PIGQ: variants seen among roughly 807,000 people sequenced by gnomAD.
The protein encoded by PIGQ is phosphatidylinositol N-acetylglucosaminyltransferase subunit Q.
PIGQ carries 54 observed loss-of-function variants against 60.3 expected under a neutral mutation model. The ratio of observed to expected loss-of-function variants is 0.90; its 90% confidence interval spans 0.72 to 1.12. The LOEUF is 1.12. PIGQ is among the 50% of genes most tolerant of loss of function. The probability of loss-of-function intolerance (pLI) is 0.00; values close to 1 mark genes in which losing one functional copy is unlikely to be tolerated. For synonymous variants in PIGQ, 416 were observed against 363.7 expected, an observed-to-expected ratio of 1.14 and a Z score of -1.64; for missense variants, 799 against 793.5, an observed-to-expected ratio of 1.01 and a Z score of -0.08.
chr16:580,211 T>C lies in PIGQ; in HGVS notation c.1364T>C (p.Ile455Thr), dbSNP rs1440677488. Residue 455 changes from isoleucine (I) to threonine (T), a missense_variant, in exon 8 of 11, where the codon ATC becomes ACC. Coordinates refer to ENST00000321878, the MANE Select transcript of PIGQ (RefSeq NM_004204.5). Reference sequence around the variant, plus strand: ...TTCATCGGGACTCTGCTCTTCACCATCCTGCTCTTCCTCCTGCCTACCACA... The same window carrying C: ...TTCATCGGGACTCTGCTCTTCACCACCCTGCTCTTCCTCCTGCCTACCACA... ...QLFIGTLLFTILLFLLPTTAL... is the reference protein window; with the variant it reads ...QLFIGTLLFTTLLFLLPTTAL... The C allele has an allele frequency of 1.9e-6, 3 of 1,612,960 alleles. No individual in the cohort carries two copies. The South Asian group carries it at 3.3e-5, about 18-fold the overall frequency.
At chr16:578,329 G>A (rs758144646) in intron 4 of PIGQ, 50 bp from the exon 5 acceptor site, 2 of 1,576,114 alleles carry the variant, frequency 1.3e-6, no homozygotes, top group Non-Finnish European at 1.7e-6. Flanking sequence ...GGAGATGCAG[G>A]TGCTGAGCCT....
At chr16:582,176 A>C (rs1596387879) in intron 9 of PIGQ, 72 bp from the exon 10 acceptor site, 1 of 1,092,940 alleles carries the variant, frequency 9.1e-7, no homozygotes. Context: ...AGAGGAAGGT[A>C]CCTGCAGCCT....
intron 7 of PIGQ, chr16:579,414 T>G: frequency 1.8e-6 from 1 of 553,086 alleles, no homozygotes. Flanking sequence ...CCGAAGGTGG[T>G]GCAGGCACAG....
chr16:570,512 C>T (rs1452373971), intron 1 of PIGQ: 1 of 152,248 alleles, frequency 6.6e-6, no homozygotes, highest in Admixed American at 6.5e-5. Context: ...GTCGCCCAGG[C>T]TGGAGTGCAA....
chr16:578,644 A>G, intron 5 of PIGQ, 139 bp downstream of exon 5: 1 of 1,399,358 alleles, frequency 7.1e-7, no homozygotes, highest in Non-Finnish European at 9.9e-7. Flanking sequence ...TGCTCAGCTG[A>G]GGGCTGGGGC....
chr16:582,120 G>C, intron 9 of PIGQ, 128 bp from the exon 10 acceptor site: 1 of 738,094 alleles, frequency 1.4e-6, no homozygotes, highest in Non-Finnish European at 2.4e-6. Flanking sequence ...GGGGCGGGGA[G>C]AGCTTCGTGG....
rs548880956 is a variant in PIGQ at position 579,233 on chromosome 16, G to A, written c.1335+53G>A. 93 of 1,447,194 alleles carry A rather than the reference G, an allele frequency of 6.4e-5. No homozygotes were observed. The East Asian group carries it at 2.0e-3, about 31-fold the overall frequency. The allele number at this position is 1,447,194 out of a possible 1,614,324, so 89.6% of individuals were successfully genotyped here. ...GGCTGACTGCCTCCGGCCTGTGCCC[G>A]CTGGGCCAGCGCGGTGCTTGGGCAC... is the stretch of plus-strand genomic sequence containing the variant. On this transcript the variant is annotated intron_variant, in intron 7 of 10. Transcript: ENST00000321878.
chr16:577,258 A>G (rs2035731764), intron 4 of PIGQ: 1 of 152,236 alleles, frequency 6.6e-6, no homozygotes, highest in South Asian at 2.1e-4. Context: ...TCCTTTAAAT[A>G]TTAAATAAGC....
At chr16:577,446 GGGCA>G (rs1338008364) in intron 4 of PIGQ, among the ~76,000 whole-genome samples, 9 of 152,120 alleles carry the variant, frequency 5.9e-5, no homozygotes, top group Admixed American at 2.0e-4. Flanking sequence ...GTATGGTGGT[GGGCA>G]CCTGTAGTCC....
intron 4 of PIGQ, among the ~76,000 whole-genome samples, chr16:577,553 G>A (rs1387394465): frequency 6.6e-6 from 1 of 151,448 alleles, no homozygotes; most frequent in South Asian, 2.1e-4. Context: ...CTCCAGCCTG[G>A]GCGACAAAAC....
At chr16:580,804 C>A in intron 8 of PIGQ, 54 bp from the exon 9 acceptor site, 1 of 834,114 alleles carries the variant, frequency 1.2e-6, no homozygotes, top group Non-Finnish European at 2.1e-6. Flanking sequence ...GGTCGGACTG[C>A]TCTGCCCCCA....
rs1380691413 is a variant in PIGQ at position 583,470 on chromosome 16, G to T, written c.*435G>T. ...GGGGGTGGAGGGACCTTGCCAGGAT[G>T]AACCCCCCAGTCCCAGGCACCCTCT... On this transcript the variant is annotated 3_prime_UTR_variant, in exon 11 of 11. Coordinates refer to ENST00000321878, the MANE Select transcript of PIGQ (RefSeq NM_004204.5). 8 of 1,612,688 alleles carry T rather than the reference G, an allele frequency of 5.0e-6. No homozygotes were observed. The highest frequency in any genetic ancestry group is 5.9e-6 in the Non-Finnish European group (7 of 1,179,922).
chr16:581,473 T>C (rs2035808427), intron 9 of PIGQ: 1 of 534,988 alleles, frequency 1.9e-6, no homozygotes, highest in Non-Finnish European at 2.5e-6. Context: ...GGAGGCTTTT[T>C]TTTTTTTGAG....
chr16:582,783 C>G, intron 10 of PIGQ, 100 bp from the exon 11 acceptor site: 1 of 1,269,098 alleles, frequency 7.9e-7, no homozygotes, highest in Non-Finnish European at 1.1e-6. Context: ...ATGTCTGAGA[C>G]AGCACTGGCC....
rs1453399951 is a variant in PIGQ at position 575,782 on chromosome 16, G to T, written c.690-57G>T. 6 of 1,525,164 alleles carry T rather than the reference G, an allele frequency of 3.9e-6. No homozygotes were observed. In the Admixed American group the frequency reaches 9.8e-5, roughly 25 times the overall value. The allele number at this position is 1,525,164 out of a possible 1,614,324, so 94.5% of individuals were successfully genotyped here. ...TGTTTGTGGTCCCCTGCACAGTGGG[G>T]GACGGTGGGAGGAGGATCTGGAGAG... On this transcript the variant is annotated intron_variant, in intron 2 of 10. Transcript: ENST00000321878.
Position 579,169 on chromosome 16 carries a change from G to A in PIGQ, c.1324G>A (p.Asp442Asn). 1 of 1,612,204 alleles carries A rather than the reference G, an allele frequency of 6.2e-7. No homozygotes were observed. The highest frequency in any genetic ancestry group is 8.5e-7 in the Non-Finnish European group (1 of 1,179,156). ...LRQRVDSCSYDLDQLFIGTLL... is the reference protein window; with the variant it reads ...LRQRVDSCSYNLDQLFIGTLL... Reference sequence around the variant, plus strand: ...CCAGCGCGTGGACTCCTGTTCCTATGACCTGGACCAGGTATGGGGCAGGGT... The same window carrying A: ...CCAGCGCGTGGACTCCTGTTCCTATAACCTGGACCAGGTATGGGGCAGGGT... Residue 442 changes from aspartate to asparagine, a missense_variant, in exon 7 of 11, where the codon GAC (aspartate) becomes AAC (asparagine). Asp to Asn is a conservative substitution (Grantham distance 23, BLOSUM62 1). Coordinates refer to ENST00000321878, the MANE Select transcript of PIGQ (RefSeq NM_004204.5).
intron 1 of PIGQ, chr16:572,568 G>GT: frequency 2.2e-6 from 1 of 455,668 alleles, no homozygotes; most frequent in Non-Finnish European, 4.4e-6. Context: ...CGTCCCTAAG[G>GT]ATGTGGTGGG....
In PIGQ at chr16:571,482, GT is replaced by G. The variant is rs151213131; in HGVS notation, c.-10+1388del. 3.9e-3 allele frequency among the ~76,000 whole-genome samples: 409 copies of G among 105,924 alleles called. 2 individuals carry two copies. Among genetic ancestry groups the G allele is most frequent in the African/African-American group, 0.015 (365 of 24,108 alleles). 69.5% of individuals were successfully genotyped at this position (105,924 alleles called of 152,430 possible). A position where few individuals can be genotyped will look rare whatever the true frequency, so the allele number is the denominator to read the frequency against. On this transcript the variant is annotated intron_variant, in intron 1 of 10. Coordinates refer to ENST00000321878, the MANE Select transcript of PIGQ (RefSeq NM_004204.5). ...TGTCTGGCTAGCCTGTGTGTGTCTG[GT>G]TAGCCTGTGTGTGTGTGTGTGTGTG...
intron 8 of PIGQ, chr16:580,509 G>A (rs1363734438): frequency 1.8e-6 from 1 of 550,010 alleles, no homozygotes; most frequent in Non-Finnish European, 3.3e-6. Flanking sequence ...CCCCACGGCA[G>A]GTGGGGTCAC....
Sources: gnomAD v4.1 joint callset for allele counts (sites outside exome capture counted in the v4.1 genomes callset) on GRCh38, gnomAD v4.1.1 for gene constraint, MANE v1.5 for transcripts, NCBI Gene and HGNC (gene_info 2026-07-23, HGNC 2026-07-21) for gene names.